The following DOCK11 variants were observed in gnomAD, a reference collection of about 807,000 sequenced individuals.
DOCK11 encodes the protein dedicator of cytokinesis 11.
Under a neutral mutation model 169.1 loss-of-function variants are expected in DOCK11, and 70 were observed. The ratio of observed to expected loss-of-function variants is 0.41; its 90% CI spans 0.34 to 0.51. The LOEUF (loss-of-function observed/expected upper bound fraction) is 0.51. Among genes scored for constraint, DOCK11 ranks in the 20% least tolerant of loss-of-function variants. The pLI is 0.10. For missense variants in DOCK11, 1,166 were observed against 1,538.8 expected (o/e 0.76, Z 4.05); for synonymous variants, 529 against 541.3 (o/e 0.98, Z 0.32).
intron 31 of DOCK11, among the ~76,000 whole-genome samples, chrX:118,620,938 A>G (rs928268275): frequency 8.9e-6 from 1 of 112,796 alleles, no homozygotes; most frequent in African/African-American, 3.2e-5. Context: ...AGAAAATTGG[A>G]TTTTGCCAGT....
At chrX:118,674,538 A>G (rs2016564034) in intron 46 of DOCK11, among the ~76,000 whole-genome samples, 1 of 112,278 alleles carries the variant, frequency 8.9e-6, no homozygotes, top group Non-Finnish European at 1.9e-5. Flanking sequence ...CATTGTATGG[A>G]TATACTGCAG....
intron 40 of DOCK11, among the ~76,000 whole-genome samples, chrX:118,645,668 A>C (rs2015640245): frequency 9.1e-6 from 1 of 109,530 alleles, no homozygotes; most frequent in African/African-American, 3.3e-5. Context: ...TCTCAAAAAA[A>C]AGAATTCATA....
intron 14 of DOCK11, among the ~76,000 whole-genome samples, chrX:118,581,726 C>T (rs2013642659): frequency 1.0e-5 from 1 of 98,350 alleles, no homozygotes; most frequent in Non-Finnish European, 2.0e-5. Context: ...ATGGCGTGAA[C>T]CTGGGAGGTG....
At chrX:118,546,209 GCA>G (rs2012269403) in intron 6 of DOCK11, 93 bp downstream of exon 6, 6 of 19,296 alleles carry the variant, frequency 3.1e-4, no homozygotes, top group South Asian at 3.7e-3. Flanking sequence ...AAGAGCCCTA[GCA>G]AAAAAAAAAA....
intron 1 of DOCK11, among the ~76,000 whole-genome samples, chrX:118,504,213 G>A (rs1023028508): frequency 8.2e-5 from 9 of 110,171 alleles, no homozygotes; most frequent in East Asian, 5.7e-4. Context: ...TTCTGGGTTC[G>A]ACAAGGTTAA....
intron 1 of DOCK11, among the ~76,000 whole-genome samples, chrX:118,532,153 C>T (rs1207736096): frequency 1.8e-5 from 2 of 108,904 alleles, no homozygotes; most frequent in African/African-American, 3.3e-5. Context: ...GATGGTTTAA[C>T]GGATGCTGGT....
In DOCK11 at chrX:118,561,473, T is replaced by C; in HGVS notation, c.649T>C (p.Ser217Pro). The change falls in exon 7 of 53, where the codon TCG becomes CCG. Residue 217 changes from serine (S) to proline (P), a missense_variant. Coordinates refer to ENST00000276202, the MANE Select transcript of DOCK11 (RefSeq NM_144658.4). Reference protein sequence around the residue: ...SYKDEKNSKESKGCIYLDACI... With the variant: ...SYKDEKNSKEPKGCIYLDACI... Reference sequence around the variant, plus strand: ...TAAAGATGAGAAAAATTCAAAAGAATCGAAAGGTTGCATCTACTTGGACGC... The same window carrying C: ...TAAAGATGAGAAAAATTCAAAAGAACCGAAAGGTTGCATCTACTTGGACGC... 1 of 1,208,229 alleles carries C rather than the reference T, an allele frequency of 8.3e-7. No homozygotes were observed. Among genetic ancestry groups the C allele is most frequent in the Non-Finnish European group, 1.1e-6 (1 of 893,890 alleles).
At chrX:118,659,877 A>C (rs2016169580) in intron 44 of DOCK11, among the ~76,000 whole-genome samples, 1 of 112,283 alleles carries the variant, frequency 8.9e-6, no homozygotes. Flanking sequence ...TCCTCCCTTA[A>C]ATCCCAGCAT....
intron 12 of DOCK11, among the ~76,000 whole-genome samples, chrX:118,575,775 T>C (rs2013424563): frequency 8.9e-6 from 1 of 112,626 alleles, no homozygotes; most frequent in African/African-American, 3.2e-5. Context: ...GTTTAAAATT[T>C]CCTGCACAAT....
intron 7 of DOCK11, among the ~76,000 whole-genome samples, chrX:118,562,664 C>T (rs866861018): frequency 2.7e-5 from 3 of 111,857 alleles, no homozygotes; most frequent in South Asian, 7.4e-4. Context: ...CATTCTAAAG[C>T]GTTGCACACA....
At chrX:118,531,663 T>C (rs112129481) in intron 1 of DOCK11, among the ~76,000 whole-genome samples, 1,192 of 108,414 alleles carry the variant, frequency 0.011, 11 homozygotes, top group African/African-American at 0.038. Context: ...GTTCAAGTGA[T>C]TCTCCTGCCT....
intron 44 of DOCK11, among the ~76,000 whole-genome samples, chrX:118,658,092 GA>G (rs761727480): frequency 1.8e-3 from 202 of 111,009 alleles, no homozygotes; most frequent in African/African-American, 6.4e-3. Context: ...GTGCAGAACT[GA>G]AAAAAAATCA....
At chrX:118,594,159 G>A (rs995740331) in intron 20 of DOCK11, among the ~76,000 whole-genome samples, 13 of 111,335 alleles carry the variant, frequency 1.2e-4, no homozygotes, top group East Asian at 5.6e-4. Flanking sequence ...TGAAGCTCTC[G>A]TCATGGGCCC....
chrX:118,684,641 G>A (rs1603195093), intron 52 of DOCK11, among the ~76,000 whole-genome samples: 1 of 111,412 alleles, frequency 9.0e-6, no homozygotes, highest in East Asian at 2.8e-4. Context: ...AGATAGAGTT[G>A]GGGGTGGTCA....
chrX:118,523,077 G>A (rs894087646), intron 1 of DOCK11, among the ~76,000 whole-genome samples: 1 of 112,368 alleles, frequency 8.9e-6, no homozygotes, highest in African/African-American at 3.2e-5. Flanking sequence ...AATGCATTTC[G>A]CATAGTACCT....
chrX:118,535,708 T>C (rs932556096), intron 1 of DOCK11, among the ~76,000 whole-genome samples: 1 of 111,916 alleles, frequency 8.9e-6, no homozygotes, highest in African/African-American at 3.2e-5. Context: ...CCGTTTACTT[T>C]AAGAAAGGTC....
chrX:118,670,369 GA>G (rs1356580911), intron 45 of DOCK11, among the ~76,000 whole-genome samples: 5 of 111,607 alleles, frequency 4.5e-5, no homozygotes, highest in Non-Finnish European at 7.5e-5. Context: ...AACATGAGAT[GA>G]AGGTTCACAA....
Position 118,618,681 on chromosome X carries a change from A to C in DOCK11, c.3424A>C (p.Lys1142Gln). 8.3e-7 allele frequency: 1 copy of C among 1,208,645 alleles called. No individual in the cohort carries two copies. Residue 1142 changes from lysine to glutamine, a missense_variant, in exon 31 of 53, where the codon AAG becomes CAG. Coordinates refer to ENST00000276202, the MANE Select transcript of DOCK11 (RefSeq NM_144658.4). ...CAGATATACAGCTATCTCTGTTATA[A>C]AGAATCTTTTGATAAAACATGCATT... ...EIRYTAISVI[K>Q]NLLIKHAFDT... is the part of the protein sequence containing the mutation.
intron 8 of DOCK11, 72 bp from the exon 9 acceptor site, chrX:118,566,502 T>A: frequency 1.0e-6 from 1 of 964,545 alleles, no homozygotes; most frequent in Non-Finnish European, 1.5e-6. Context: ...GGAGAGATAG[T>A]TAGGATACTC....
Sources: gnomAD v4.1 joint callset for allele counts (sites outside exome capture counted in the v4.1 genomes callset) on GRCh38, gnomAD v4.1.1 for gene constraint, MANE v1.5 for transcripts, NCBI Gene and HGNC (gene_info 2026-07-23, HGNC 2026-07-21) for gene names.